Variants in KRT40 observed in about 807,000 individuals in gnomAD.
KRT40 encodes the protein keratin 40.
Under a neutral mutation model 43.5 loss-of-function variants are expected in KRT40, and 47 were observed. The ratio of observed to expected loss-of-function variants is 1.08; its 90% CI spans 0.86 to 1.38. The LOEUF (loss-of-function observed/expected upper bound fraction) is 1.38, where lower values mean the gene tolerates loss of function less well. KRT40 is among the 40% of genes most tolerant of loss of function. The pLI is 0.00. For synonymous variants in KRT40, 212 were observed against 214.0 expected (o/e 0.99, Z 0.08); for missense variants, 573 against 523.6 (o/e 1.09, Z -0.92).
intron 1 of KRT40, 127 bp downstream of exon 1, chr17:40,983,699 CT>C (rs1267671296): frequency 1.2e-6 from 1 of 860,802 alleles, no homozygotes; most frequent in African/African-American, 1.7e-5. Context: ...GTGCTCTCCC[CT>C]ATGTATCACT....
chr17:40,980,879 C>G lies in KRT40; in HGVS notation c.881G>C (p.Ser294Thr). The G allele has an allele frequency of 2.5e-6, 4 of 1,614,010 alleles. No individual in the cohort carries two copies. The highest frequency in any genetic ancestry group is 3.4e-6 in the Non-Finnish European group (4 of 1,180,020). ...CTGGCAGCCCTGCAGCTGCTCCGCG[C>G]TGGACAGTTGCTGCTGATTCAGCTC... ...TEELNQQQLSSAEQLQGCQME... is the reference protein window; with the variant it reads ...TEELNQQQLSTAEQLQGCQME... The change falls in exon 5 of 7, where the codon AGC (serine) becomes ACC (threonine). Residue 294 changes from serine to threonine, a missense_variant. Coordinates refer to ENST00000377755, the MANE Select transcript of KRT40 (RefSeq NM_001389244.1).
rs1477517021 is a variant in KRT40 at position 40,982,406 on chromosome 17, A to G, written c.588T>C (p.His196=). 19 of 1,611,060 alleles carry G rather than the reference A, an allele frequency of 1.2e-5. No individual in the cohort carries two copies. Among genetic ancestry groups the G allele is most frequent in the South Asian group, 4.4e-5 (4 of 90,572 alleles). Residue 196 remains histidine, a synonymous_variant, in exon 3 of 7, where the codon CAT becomes CAC. Coordinates refer to ENST00000377755, the MANE Select transcript of KRT40 (RefSeq NM_001389244.1). ...QLLEADISSL[H]GILEELTLCK... is the part of the protein sequence containing the mutation. ...ACAGGGTCAGTTCCTCCAGGATCCC[A>G]TGCAGGCTGCTGATGTCAGCCTCTA... is the stretch of plus-strand genomic sequence containing the variant.
chr17:40,983,438 C>T (rs774697973), intron 1 of KRT40, among the ~76,000 whole-genome samples: 12 of 152,044 alleles, frequency 7.9e-5, no homozygotes, highest in Non-Finnish European at 1.5e-4. Context: ...ATATCCTCTC[C>T]CATAATAATA....
chr17:40,980,074 T>C (rs1912053360), intron 5 of KRT40, among the ~76,000 whole-genome samples: 1 of 152,224 alleles, frequency 6.6e-6, no homozygotes, highest in Non-Finnish European at 1.5e-5. Context: ...GAAGAGACTC[T>C]GGGATTCAAC....
rs188619365 is a variant in KRT40, at chr17:40,982,436, C to A, written c.558G>T (p.Gln186His). 1.3e-5 allele frequency: 21 copies of A among 1,605,500 alleles called. No homozygotes were observed. The highest frequency in any genetic ancestry group is 5.1e-5 in the Admixed American group (3 of 58,782). The change falls in exon 3 of 7, where the codon CAG becomes CAT. Residue 186 changes from glutamine to histidine, a missense_variant. Coordinates refer to ENST00000377755, the MANE Select transcript of KRT40 (RefSeq NM_001389244.1). ...GGCTGCTGATGTCAGCCTCTAACAGCTGGCGAAGGGACAGTTCACTCTCGT... is the reference window on the plus strand; with the variant it reads ...GGCTGCTGATGTCAGCCTCTAACAGATGGCGAAGGGACAGTTCACTCTCGT... ...SKYESELSLR[Q>H]LLEADISSLH...
chr17:40,982,316 G>A lies in KRT40; in HGVS notation c.678C>T (p.Asn226=), dbSNP rs1255929462. ...TTGCCACTTTCCTTACCTCTTCATG[G>A]TTTTTCTTAAGGCAAAGGAGATCTT... ...LKEDLLCLKK[N]HEEEVNLLRE... Residue 226 remains asparagine, a synonymous_variant, in exon 3 of 7, where the codon AAC becomes AAT. Transcript: ENST00000377755. The A allele has an allele frequency of 6.3e-7, 1 of 1,577,896 alleles. No individual in the cohort carries two copies. The highest frequency in any genetic ancestry group is 1.9e-5 in the Admixed American group (1 of 52,446).
intron 5 of KRT40, 123 bp downstream of exon 5, chr17:40,980,662 G>T: frequency 7.9e-7 from 1 of 1,270,792 alleles, no homozygotes; most frequent in Non-Finnish European, 1.1e-6. Context: ...TCTATTAATA[G>T]CTGGGTAAAC....
Position 40,979,005 on chromosome 17 carries a change from G to A in KRT40, c.995C>T (p.Thr332Ile). The part of the protein sequence containing the change: ...QQSLTESLEC[T>I]VAETEAQYSS... ...GTACTGGGCCTCGGTTTCTGCCACG[G>A]TGCATTCCAGAGATTCTGTCTGCGG... The change falls in exon 6 of 7, where the codon ACC (threonine) becomes ATC (isoleucine). Residue 332 changes from threonine (T) to isoleucine (I), a missense_variant. Coordinates refer to ENST00000377755, the MANE Select transcript of KRT40 (RefSeq NM_001389244.1). 1 of 1,613,740 alleles carries A rather than the reference G, an allele frequency of 6.2e-7. No individual in the cohort carries two copies. Among genetic ancestry groups the A allele is most frequent in the South Asian group, 1.1e-5 (1 of 91,062 alleles).
chr17:40,980,307 T>C (rs1912069781), intron 5 of KRT40, among the ~76,000 whole-genome samples: 1 of 152,232 alleles, frequency 6.6e-6, no homozygotes, highest in Non-Finnish European at 1.5e-5. Context: ...ACAGTGGTGC[T>C]TGACCAGAAC....
At chr17:40,982,024 G>A (rs1344213104) in intron 3 of KRT40, among the ~76,000 whole-genome samples, 33 of 151,780 alleles carry the variant, frequency 2.2e-4, no homozygotes, top group Admixed American at 2.0e-3. Flanking sequence ...GACTACAGGC[G>A]CCTGCCACCA....
At chr17:40,980,940 A>G (rs779791250) in intron 4 of KRT40, 30 bp from the exon 5 acceptor site, 10 of 1,614,156 alleles carry the variant, frequency 6.2e-6, no homozygotes, top group South Asian at 1.1e-5. Context: ...AGAGAATTCA[A>G]AAAAGGCAGA....
At chr17:40,981,957 C>T (rs1912182406) in intron 3 of KRT40, among the ~76,000 whole-genome samples, 1 of 152,036 alleles carries the variant, frequency 6.6e-6, no homozygotes, top group South Asian at 2.1e-4. Context: ...CGGCTCACTG[C>T]AACCTCCGCC....
chr17:40,981,891 T>C (rs1213372711), intron 3 of KRT40, among the ~76,000 whole-genome samples: 1 of 151,944 alleles, frequency 6.6e-6, no homozygotes, highest in Non-Finnish European at 1.5e-5. Context: ...TGTTTGTTTG[T>C]TTTTTGAGAT....
At chr17:40,981,837 G>T (rs1912172287) in intron 3 of KRT40, among the ~76,000 whole-genome samples, 2 of 151,990 alleles carry the variant, frequency 1.3e-5, no homozygotes, top group South Asian at 4.2e-4. Context: ...GGAATGATCA[G>T]GTTGAATAGT....
Position 40,984,172 on chromosome 17 carries a change from G to A in KRT40, c.102C>T (p.Leu34=), listed in dbSNP as rs376601595. The change falls in exon 1 of 7, where the codon CTC becomes CTT. Residue 34 remains leucine (L), a synonymous_variant. Transcript: ENST00000377755. ...ASSCSVETAC[L]PGTCATSRCQ... Reference sequence around the variant, plus strand: ...ATCGGGATGTAGCACAGGTACCGGGGAGACAAGCTGTTTCCACGGAGCAGC... The same window carrying A: ...ATCGGGATGTAGCACAGGTACCGGGAAGACAAGCTGTTTCCACGGAGCAGC... 2 of 1,613,984 alleles carry A rather than the reference G, an allele frequency of 1.2e-6. No homozygotes were observed. Among genetic ancestry groups the A allele is most frequent in the South Asian group, 1.1e-5 (1 of 91,062 alleles).
chr17:40,986,054 G>A (rs1912453921), upstream of KRT40, among the ~76,000 whole-genome samples: 1 of 152,186 alleles, frequency 6.6e-6, no homozygotes, highest in South Asian at 2.1e-4. Context: ...ATTAGGTAGT[G>A]TTGTATAATG....
At chr17:40,978,407 C>T (rs3817148) in intron 6 of KRT40, 111 bp from the exon 7 acceptor site, 199,083 of 841,728 alleles carry the variant, frequency 0.24, 25,152 homozygotes, top group Admixed American at 0.33. Context: ...GAAAAAAACT[C>T]TGCACAATAG....
chr17:40,979,244 G>A (rs143123477), intron 5 of KRT40, among the ~76,000 whole-genome samples: 3,457 of 152,250 alleles, frequency 0.023, 53 homozygotes, highest in South Asian at 0.041. Context: ...GGCTGGGCGC[G>A]GTGGCTCAGG....
At position 40,983,866 on chromosome 17, in the gene KRT40, A is replaced by G. The variant is rs370175318; in HGVS notation, c.408T>C (p.Tyr136=). 2.1e-5 allele frequency: 34 copies of G among 1,614,170 alleles called. No homozygotes were observed. In the African/African-American group the frequency reaches 2.4e-4, roughly 11 times the overall value. Residue 136 remains tyrosine, a synonymous_variant, in exon 1 of 7, where the codon TAT becomes TAC. Transcript: ENST00000377755. ...EQDIPMVCPD[Y]QRYFNTIEDL... ...CTTCAATGGTGTTGAAGTAACGCTG[A>G]TAATCCGGGCACACCATTGGGATAT...
Sources: gnomAD v4.1 joint callset for allele counts (sites outside exome capture counted in the v4.1 genomes callset) on GRCh38, gnomAD v4.1.1 for gene constraint, MANE v1.5 for transcripts, NCBI Gene and HGNC (gene_info 2026-07-23, HGNC 2026-07-21) for gene names.